Variants in ITGA10 observed in about 807,000 individuals in gnomAD.
ITGA10 encodes the protein integrin alpha-10.
Under a neutral mutation model 145.2 loss-of-function variants are expected in ITGA10, and 105 were observed. The ratio of observed to expected loss-of-function variants is 0.72; its 90% CI spans 0.62 to 0.85. The LOEUF is 0.85. Ranked by LOEUF, ITGA10 falls within the 40% of genes least tolerant of loss-of-function variation. ITGA10 has a pLI of 0.00. For synonymous variants in ITGA10, 506 were observed against 557.8 expected, an observed-to-expected ratio of 0.91 and a Z score of 1.31; for missense variants, 1,317 against 1,444.5, an observed-to-expected ratio of 0.91 and a Z score of 1.43.
Position 145,897,335 on chromosome 1 carries a change from T to G in ITGA10, c.2579A>C (p.Glu860Ala). 1 of 1,613,966 alleles carries G rather than the reference T, an allele frequency of 6.2e-7. No individual in the cohort carries two copies. Among genetic ancestry groups the G allele is most frequent in the Admixed American group, 1.7e-5 (1 of 60,012 alleles). The change falls in exon 21 of 30, where the codon GAG becomes GCG. Residue 860 changes from glutamate to alanine, a missense_variant. By Grantham distance (107) the Glu-to-Ala change is moderately radical. Transcript: ENST00000369304. ...LHLASLTPQRESPIKVECAAP... is the reference protein window; with the variant it reads ...LHLASLTPQRASPIKVECAAP... ...GGCACATTCCACCTTTATTGGGCTCTCTCTCTGAGGGCAGGGGAATGGAGA... is the reference window on the plus strand; with the variant it reads ...GGCACATTCCACCTTTATTGGGCTCGCTCTCTGAGGGCAGGGGAATGGAGA...
Position 145,906,483 on chromosome 1 carries a change from G to A in ITGA10, c.392C>T (p.Ala131Val). Residue 131 changes from alanine (A) to valine (V), a missense_variant, in exon 5 of 30, where the codon GCT becomes GTT. By Grantham distance (64) the Ala-to-Val change is moderately conservative. Transcript: ENST00000369304. ...FMACAPLWSR[A>V]CGSSVFSSGI... ...AGAACTGAAGACAGAGCTGCCACAA[G>A]CACGAGACCAGAGAGGGGCACAGGC... 3 of 1,614,116 alleles carry A rather than the reference G, an allele frequency of 1.9e-6. No individual in the cohort carries two copies. The highest frequency in any genetic ancestry group is 3.3e-4 in the Middle Eastern group (2 of 6,062).
At position 145,897,541 on chromosome 1, in the gene ITGA10, T is replaced by C; in HGVS notation, c.2545A>G (p.Asn849Asp). Residue 849 changes from asparagine to aspartate, a missense_variant, in exon 20 of 30, where the codon AAC becomes GAC. Coordinates refer to ENST00000369304, the MANE Select transcript of ITGA10 (RefSeq NM_003637.5). ...GGAGTGAGACTGGCCAGGTGGAGGT[T>C]TCTAGAGAAGATGAGACTCAGGCTC... Reference protein sequence around the residue: ...NTSLSLIFSRNLHLASLTPQR... With the variant: ...NTSLSLIFSRDLHLASLTPQR... 1 of 1,614,120 alleles carries C rather than the reference T, an allele frequency of 6.2e-7. No homozygotes were observed. The highest frequency in any genetic ancestry group is 1.1e-5 in the South Asian group (1 of 91,084).
In ITGA10 at chr1:145,903,016, CACACACAT is replaced by C. The variant is rs1479454815; in HGVS notation, c.759-63_759-56del. 3.0e-4 allele frequency: 211 copies of C among 695,538 alleles called. 4 individuals carry two copies. Among genetic ancestry groups the C allele is most frequent in the South Asian group, 8.3e-4 (37 of 44,714 alleles). The allele number at this position is 695,538 out of a possible 1,614,324, so 43.1% of individuals were successfully genotyped here. On this transcript the variant is annotated intron_variant, in intron 7 of 29. Transcript: ENST00000369304. ...AGATGTATGCAGACACACACACACA[CACACACAT>C]ACACACACACACACACACACACACA...
intron 14 of ITGA10, among the ~76,000 whole-genome samples, 164 bp downstream of exon 14, chr1:145,900,626 G>T (rs1429391636): frequency 6.7e-6 from 1 of 148,372 alleles, no homozygotes; most frequent in South Asian, 2.1e-4. Context: ...CTGTGTTCAG[G>T]AGTTCTTAGT....
rs917572868 is a variant in ITGA10, at chr1:145,902,964, G to A, written c.759-3C>T. ...GGGACTGACTGAACCCTTCTGTGCT[G>A]AGAAGAGAAAGGAGTGAGGTGAGAT... On this transcript the variant is annotated splice_polypyrimidine_tract_variant and splice_region_variant and intron_variant, in intron 7 of 29. Coordinates refer to ENST00000369304, the MANE Select transcript of ITGA10 (RefSeq NM_003637.5). 3.1e-6 allele frequency: 5 copies of A among 1,589,746 alleles called. No individual in the cohort carries two copies. In the African/African-American group the frequency reaches 6.8e-5, roughly 22 times the overall value.
Position 145,902,331 on chromosome 1 carries a change from G to A in ITGA10, c.1076-12C>T. ...TTCTGCATGGGACCCTTGGTCATGA[G>A]AAAACATTGAGACAATATCAGGGGA... On this transcript the variant is annotated splice_polypyrimidine_tract_variant and intron_variant, in intron 9 of 29. Transcript: ENST00000369304. 1 of 1,613,934 alleles carries A rather than the reference G, an allele frequency of 6.2e-7. No homozygotes were observed. Among genetic ancestry groups the A allele is most frequent in the Non-Finnish European group, 8.5e-7 (1 of 1,179,828 alleles).
Position 145,902,324 on chromosome 1 carries a change from G to T in ITGA10, c.1076-5C>A. The T allele has an allele frequency of 6.2e-7, 1 of 1,613,962 alleles. No homozygotes were observed. Among genetic ancestry groups the T allele is most frequent in the Non-Finnish European group, 8.5e-7 (1 of 1,179,888 alleles). The stretch of plus-strand genomic sequence containing the variant: ...TTTCGTTTTCTGCATGGGACCCTTG[G>T]TCATGAGAAAACATTGAGACAATAT... On this transcript the variant is annotated splice_region_variant and splice_polypyrimidine_tract_variant and intron_variant, in intron 9 of 29. Transcript: ENST00000369304.
rs1343468887 is a variant in ITGA10, at chr1:145,892,614, T to G, written c.*184A>C. 1 of 519,438 alleles carries G rather than the reference T, an allele frequency of 1.9e-6. No individual in the cohort carries two copies. Among genetic ancestry groups the G allele is most frequent in the East Asian group, 3.0e-5 (1 of 33,454 alleles). The allele number at this position is 519,438 out of a possible 1,614,324, so 32.2% of individuals were successfully genotyped here. A position where few individuals can be genotyped will look rare whatever the true frequency, so the allele number is the denominator to read the frequency against. On this transcript the variant is annotated 3_prime_UTR_variant, in exon 30 of 30. Transcript: ENST00000369304. ...CTAGTTTTGGTGCCAGCTCTTCTTG[T>G]CTGAGGTAAAGCCTCATCTCTAGCC...
At chr1:145,902,672 G>C (rs1553749408) in intron 8 of ITGA10, 53 bp from the exon 9 acceptor site, 17 of 1,548,006 alleles carry the variant, frequency 1.1e-5, no homozygotes, top group Non-Finnish European at 8.7e-7. Flanking sequence ...ACAGAACACA[G>C]CCAACTAACA....
chr1:145,899,975 A>G lies in ITGA10; in HGVS notation c.1922+82T>C, dbSNP rs1656011133. 5.6e-6 allele frequency: 8 copies of G among 1,438,662 alleles called. No homozygotes were observed. In the South Asian group the frequency reaches 1.1e-4, roughly 20 times the overall value. The allele number at this position is 1,438,662 out of a possible 1,614,324, so 89.1% of individuals were successfully genotyped here. A position where few individuals can be genotyped will look rare whatever the true frequency, so the allele number is the denominator to read the frequency against. The stretch of plus-strand genomic sequence containing the variant: ...CAGAGTAAGTTGACCAAGAAAACCA[A>G]ATCTCCATCTGTGACTTTAAGGCCC... On this transcript the variant is annotated intron_variant, in intron 15 of 29. Transcript: ENST00000369304.
intron 17 of ITGA10, 117 bp from the exon 18 acceptor site, chr1:145,898,340 C>A (rs921331969): frequency 4.2e-6 from 2 of 476,102 alleles, no homozygotes; most frequent in East Asian, 6.7e-5. Context: ...AACTGTATTA[C>A]TAAATTTAAT....
rs1654867603 is a variant in ITGA10 at position 145,892,626 on chromosome 1, C to A, written c.*172G>T. 5.4e-6 allele frequency: 3 copies of A among 559,640 alleles called. No homozygotes were observed. Among genetic ancestry groups the A allele is most frequent in the Non-Finnish European group, 9.6e-6 (3 of 313,286 alleles). 34.7% of individuals were successfully genotyped at this position (559,640 alleles called of 1,614,324 possible). A position where few individuals can be genotyped will look rare whatever the true frequency, so the allele number is the denominator to read the frequency against. Reference sequence around the variant, plus strand: ...CCAGCTCTTCTTGTCTGAGGTAAAGCCTCATCTCTAGCCAGCAGCATCCCT... The same window carrying A: ...CCAGCTCTTCTTGTCTGAGGTAAAGACTCATCTCTAGCCAGCAGCATCCCT... On this transcript the variant is annotated 3_prime_UTR_variant, in exon 30 of 30. Transcript: ENST00000369304.
intron 29 of ITGA10, 57 bp downstream of exon 29, chr1:145,893,104 A>G: frequency 7.7e-7 from 1 of 1,304,656 alleles, no homozygotes; most frequent in Non-Finnish European, 1.1e-6. Context: ...GCTATAATCA[A>G]GGATCCCTCA....
chr1:145,901,418 G>T lies in ITGA10; in HGVS notation c.1443+98C>A. 6.8e-7 allele frequency: 1 copy of T among 1,479,646 alleles called. No individual in the cohort carries two copies. Among genetic ancestry groups the T allele is most frequent in the Non-Finnish European group, 9.1e-7 (1 of 1,100,010 alleles). The allele number at this position is 1,479,646 out of a possible 1,614,324, so 91.7% of individuals were successfully genotyped here. A position where few individuals can be genotyped will look rare whatever the true frequency, so the allele number is the denominator to read the frequency against. On this transcript the variant is annotated intron_variant, in intron 12 of 29. Transcript: ENST00000369304. This position sits in a 1 kb window ranked among gnomAD's most constrained non-coding sequence, Gnocchi z 4.3. ...ACTCTGCCAACCAGAATTCCGCACA[G>T]ACTTTGGAGGCCTCTCTCTTACCCA...
In ITGA10 at chr1:145,909,972, A is replaced by C; in HGVS notation, c.43T>G (p.Phe15Val). The change falls in exon 1 of 30, where the codon TTC (phenylalanine) becomes GTC (valine). Residue 15 changes from phenylalanine to valine, a missense_variant. Phe to Val is a conservative substitution (Grantham distance 50, BLOSUM62 -1). Coordinates refer to ENST00000369304, the MANE Select transcript of ITGA10 (RefSeq NM_003637.5). ...AGTTAACTTCCCTCACCTGTCAGGA[A>C]CACCAGGGGCAAGAACAGGTGAGTG... ...FVTHLFLPLV[F>V]LTGLCSPFNL... 1 of 1,613,368 alleles carries C rather than the reference A, an allele frequency of 6.2e-7. No homozygotes were observed. Among genetic ancestry groups the C allele is most frequent in the Non-Finnish European group, 8.5e-7 (1 of 1,179,522 alleles).
At chr1:145,907,806 G>A (rs1263018627) in intron 1 of ITGA10, among the ~76,000 whole-genome samples, 1 of 109,186 alleles carries the variant, frequency 9.2e-6, no homozygotes, top group East Asian at 3.0e-4. Flanking sequence ...GAGTCTCTCT[G>A]TCGCCCAGGC....
chr1:145,909,620 TTA>T (rs58842337), intron 1 of ITGA10, among the ~76,000 whole-genome samples: 63 of 117,516 alleles, frequency 5.4e-4, no homozygotes, highest in African/African-American at 2.9e-3. Flanking sequence ...TAATATATAA[TTA>T]TGTTATATAT....
At chr1:145,906,895 T>C in intron 3 of ITGA10, 71 bp from the exon 4 acceptor site, 3 of 1,254,546 alleles carry the variant, frequency 2.4e-6, no homozygotes, top group Non-Finnish European at 3.5e-6. Flanking sequence ...CATGTGATTT[T>C]GGAGGAGAAT....
intron 14 of ITGA10, 24 bp downstream of exon 14, chr1:145,900,766 C>T (rs782212296): frequency 1.9e-6 from 3 of 1,611,954 alleles, no homozygotes; most frequent in Non-Finnish European, 2.5e-6. Context: ...AACCGTGCCC[C>T]TGCTTTATTT....
Sources: allele counts gnomAD v4.1 joint callset (sites outside exome capture counted in the v4.1 genomes callset), GRCh38; gene constraint gnomAD v4.1.1; non-coding constraint Gnocchi (gnomAD v3.1); transcripts MANE v1.5; gene names NCBI Gene and HGNC (gene_info 2026-07-23, HGNC 2026-07-21).